GPR137C: variants seen among roughly 807,000 people sequenced by gnomAD.
GPR137C encodes integral membrane protein GPR137C.
Under a neutral mutation model 43.4 loss-of-function variants are expected in GPR137C, and 27 were observed. That is an observed-to-expected ratio of 0.62 (90% confidence interval 0.46 to 0.86). GPR137C has a LOEUF of 0.86. Among genes scored for constraint, GPR137C ranks in the 40% least tolerant of loss-of-function variants. The pLI is 0.00. For missense variants in GPR137C, 522 were observed against 534.6 expected (o/e 0.98, Z 0.23); for synonymous variants, 285 against 226.9 (o/e 1.26, Z -2.30).
At chr14:52,621,200 A>G (rs866493069) in intron 3 of GPR137C, among the ~76,000 whole-genome samples, 13 of 151,874 alleles carry the variant, frequency 8.6e-5, no homozygotes, top group East Asian at 3.8e-4. Flanking sequence ...AGGGACATCA[A>G]TGTAAATGAT....
At chr14:52,630,698 C>T (rs990575464) in intron 3 of GPR137C, among the ~76,000 whole-genome samples, 4 of 150,698 alleles carry the variant, frequency 2.7e-5, no homozygotes, top group Non-Finnish European at 4.4e-5. Flanking sequence ...TTCTCAACCC[C>T]GCAAGAGCCC....
chr14:52,596,172 T>C (rs1254985431), intron 1 of GPR137C, among the ~76,000 whole-genome samples: 1 of 152,206 alleles, frequency 6.6e-6, no homozygotes, highest in Non-Finnish European at 1.5e-5. Context: ...CAAATATTGC[T>C]GCTTGGTCCT....
chr14:52,562,701 C>T (rs2038304810), intron 1 of GPR137C, among the ~76,000 whole-genome samples: 1 of 152,150 alleles, frequency 6.6e-6, no homozygotes, highest in Non-Finnish European at 1.5e-5. Flanking sequence ...TTTAAGAATA[C>T]TATATGATAA....
At chr14:52,563,714 A>G (rs1357841712) in intron 1 of GPR137C, among the ~76,000 whole-genome samples, 2 of 152,106 alleles carry the variant, frequency 1.3e-5, no homozygotes, top group Admixed American at 6.5e-5. Flanking sequence ...TTTATATCCA[A>G]TTATCTATAT....
chr14:52,555,157 C>T (rs1310890795), intron 1 of GPR137C, among the ~76,000 whole-genome samples: 1 of 152,084 alleles, frequency 6.6e-6, no homozygotes. Context: ...CAGATGTTTA[C>T]CTGAAAGTGA....
chr14:52,619,812 G>A (rs1304283084), intron 3 of GPR137C, among the ~76,000 whole-genome samples: 1 of 151,930 alleles, frequency 6.6e-6, no homozygotes, highest in South Asian at 2.1e-4. Context: ...AACTGTGTAG[G>A]CCTTATAATT....
At chr14:52,610,515 A>G (rs1271286352) in intron 3 of GPR137C, among the ~76,000 whole-genome samples, 1 of 152,188 alleles carries the variant, frequency 6.6e-6, no homozygotes, top group Non-Finnish European at 1.5e-5. Flanking sequence ...TCCATTTATT[A>G]CTATTTTGTT....
At chr14:52,615,135 G>C (rs2039084219) in intron 3 of GPR137C, among the ~76,000 whole-genome samples, 1 of 152,190 alleles carries the variant, frequency 6.6e-6, no homozygotes, top group Non-Finnish European at 1.5e-5. Flanking sequence ...TTTGCATGTA[G>C]CAAGAGATAA....
chr14:52,628,531 C>A (rs2039256646), intron 3 of GPR137C, among the ~76,000 whole-genome samples: 1 of 152,182 alleles, frequency 6.6e-6, no homozygotes, highest in African/African-American at 2.4e-5. Context: ...CATGGTGGCT[C>A]ATGCCTGTAA....
intron 3 of GPR137C, among the ~76,000 whole-genome samples, chr14:52,604,571 A>G (rs957651569): frequency 5.3e-5 from 8 of 151,486 alleles, no homozygotes; most frequent in Admixed American, 1.3e-4. Flanking sequence ...TCAGCCTCCC[A>G]TGTAGCTGGA....
chr14:52,625,056 T>A (rs1227816672), intron 3 of GPR137C, among the ~76,000 whole-genome samples: 1 of 152,214 alleles, frequency 6.6e-6, no homozygotes, highest in African/African-American at 2.4e-5. Flanking sequence ...GTAATCTAAG[T>A]AGACCCATAT....
At chr14:52,588,608 T>TATA (rs1209528946) in intron 1 of GPR137C, among the ~76,000 whole-genome samples, 2 of 152,220 alleles carry the variant, frequency 1.3e-5, no homozygotes, top group African/African-American at 4.8e-5. Flanking sequence ...CACTGGTCTC[T>TATA]ATATTCTTCA....
intron 1 of GPR137C, among the ~76,000 whole-genome samples, chr14:52,595,770 C>T (rs1034674128): frequency 3.3e-5 from 5 of 152,162 alleles, no homozygotes; most frequent in Non-Finnish European, 7.3e-5. Context: ...GAACATGCTC[C>T]TTTAGCTCGG....
chr14:52,616,599 A>G (rs1395709896), intron 3 of GPR137C, among the ~76,000 whole-genome samples: 1 of 151,946 alleles, frequency 6.6e-6, no homozygotes, highest in East Asian at 1.9e-4. Context: ...CAGCCATGTT[A>G]GGTTCCTCGT....
intron 1 of GPR137C, among the ~76,000 whole-genome samples, chr14:52,561,591 AAATG>A (rs977066074): frequency 4.1e-4 from 62 of 152,368 alleles, no homozygotes; most frequent in African/African-American, 1.4e-3. Flanking sequence ...TGTTCATCAG[AAATG>A]AATGAATGAA....
intron 3 of GPR137C, among the ~76,000 whole-genome samples, chr14:52,629,790 T>G (rs2039273578): frequency 6.6e-6 from 1 of 152,184 alleles, no homozygotes; most frequent in South Asian, 2.1e-4. Flanking sequence ...ACTCAATGAC[T>G]AGTAGGTTAA....
intron 3 of GPR137C, among the ~76,000 whole-genome samples, chr14:52,603,573 G>A (rs563300517): frequency 9.2e-5 from 14 of 152,014 alleles, no homozygotes; most frequent in South Asian, 2.1e-4. Flanking sequence ...TTGCTCTTTC[G>A]CTGAGGCTGG....
At chr14:52,570,460 A>G (rs1022433360) in intron 1 of GPR137C, among the ~76,000 whole-genome samples, 1 of 152,202 alleles carries the variant, frequency 6.6e-6, no homozygotes, top group African/African-American at 2.4e-5. Flanking sequence ...ATAACCAGCT[A>G]GCATCATAAT....
rs79303463 is a variant in GPR137C at position 52,621,741 on chromosome 14, T to C, written c.718-10419T>C. On this transcript the variant is annotated intron_variant, in intron 3 of 6. Coordinates refer to ENST00000321662, the MANE Select transcript of GPR137C (RefSeq NM_001099652.2). The stretch of plus-strand genomic sequence containing the variant: ...TGTGAGAAGTTAAGGATATATTTTA[T>C]AATCCCTAGAGCAATGGTTCTCAAA... 2.6e-3 allele frequency among the ~76,000 whole-genome samples: 393 copies of C among 151,806 alleles called. 2 individuals are homozygous for C. The highest frequency in any genetic ancestry group is 9.1e-3 in the African/African-American group (377 of 41,512).
Sources: allele counts gnomAD v4.1 joint callset (sites outside exome capture counted in the v4.1 genomes callset), GRCh38; gene constraint gnomAD v4.1.1; transcripts MANE v1.5; gene names NCBI Gene and HGNC (gene_info 2026-07-23, HGNC 2026-07-21).